The following TTBK2 variants were observed in gnomAD, a reference collection of about 807,000 sequenced individuals.
The protein encoded by TTBK2 is tau tubulin kinase 2.
In TTBK2, 28 loss-of-function variants were observed where a neutral mutation model predicts 110.8. The observed-to-expected ratio is 0.25, with a 90% CI of 0.19 to 0.35. The LOEUF (loss-of-function observed/expected upper bound fraction) is 0.35, where lower values mean the gene tolerates loss of function less well. Among genes scored for constraint, TTBK2 ranks in the 10% least tolerant of loss-of-function variants. TTBK2 has a pLI of 1.00. For synonymous variants in TTBK2, 532 were observed against 527.3 expected, an observed-to-expected ratio of 1.01 and a Z score of -0.12; for missense variants, 1,369 against 1,500.3, an observed-to-expected ratio of 0.91 and a Z score of 1.45.
At position 42,752,248 on chromosome 15, in the gene TTBK2, C is replaced by T; in HGVS notation, c.2998G>A (p.Asp1000Asn). 6.2e-7 allele frequency: 1 copy of T among 1,614,112 alleles called. No individual in the cohort carries two copies. Among genetic ancestry groups the T allele is most frequent in the Non-Finnish European group, 8.5e-7 (1 of 1,179,998 alleles). Residue 1000 changes from aspartate (D) to asparagine (N), a missense_variant, in exon 14 of 15, where the codon GAT becomes AAT. Asp to Asn is a conservative substitution (Grantham distance 23, BLOSUM62 1). Transcript: ENST00000267890. ...SFLGDLSSASDKLLEEKLATV... is the reference protein window; with the variant it reads ...SFLGDLSSASNKLLEEKLATV... ...GCTAGTTTCTCCTCTAGCAATTTAT[C>T]AGAGGCACTTGAGAGGTCGCCAAGG...
At chr15:42,805,970 C>T (rs2140910954) in intron 9 of TTBK2, among the ~76,000 whole-genome samples, 1 of 152,236 alleles carries the variant, frequency 6.6e-6, no homozygotes, top group Middle Eastern at 3.4e-3. Flanking sequence ...TGTGTTAAGA[C>T]ACTGATTTTT....
At chr15:42,844,166 A>T (rs1283919393) in intron 3 of TTBK2, among the ~76,000 whole-genome samples, 1 of 152,226 alleles carries the variant, frequency 6.6e-6, no homozygotes, top group Non-Finnish European at 1.5e-5. Flanking sequence ...CTAGGCTGTA[A>T]CAGTACCTGG....
At chr15:42,836,898 G>T (rs1893006398) in intron 4 of TTBK2, among the ~76,000 whole-genome samples, 1 of 152,146 alleles carries the variant, frequency 6.6e-6, no homozygotes, top group African/African-American at 2.4e-5. Flanking sequence ...TTGAGACTCA[G>T]CTTCTCCATG....
intron 1 of TTBK2, among the ~76,000 whole-genome samples, chr15:42,914,151 A>G (rs1256138936): frequency 1.3e-5 from 2 of 151,354 alleles, no homozygotes; most frequent in African/African-American, 2.4e-5. Flanking sequence ...TAATTTTTAT[A>G]TTTTTTAGTA....
intron 1 of TTBK2, among the ~76,000 whole-genome samples, chr15:42,898,846 T>C (rs1335801129): frequency 6.6e-6 from 1 of 152,234 alleles, no homozygotes; most frequent in African/African-American, 2.4e-5. Context: ...AAGTGAATAC[T>C]TCCCAAAGGA....
rs572661040 is a variant in TTBK2, at chr15:42,871,389, C to T, written c.217+1222G>A. ...CAAATAGAATCCTGAGTAAACCATACACAAAATAAGCAGGAGAACCTCCTG... is the reference window on the plus strand; with the variant it reads ...CAAATAGAATCCTGAGTAAACCATATACAAAATAAGCAGGAGAACCTCCTG... On this transcript the variant is annotated intron_variant, in intron 3 of 14. Transcript: ENST00000267890. 7.3e-6 allele frequency: 7 copies of T among 956,102 alleles called. No homozygotes were observed. The African/African-American group carries it at 1.2e-4, about 17-fold the overall frequency. The allele number at this position is 956,102 out of a possible 1,614,324, so 59.2% of individuals were successfully genotyped here.
At chr15:42,889,014 C>T (rs1247568852) in intron 1 of TTBK2, among the ~76,000 whole-genome samples, 1 of 152,164 alleles carries the variant, frequency 6.6e-6, no homozygotes, top group Non-Finnish European at 1.5e-5. Flanking sequence ...GCCTCACAGG[C>T]CCATTCTATT....
intron 6 of TTBK2, among the ~76,000 whole-genome samples, chr15:42,819,587 C>A (rs1456576543): frequency 6.6e-6 from 1 of 152,012 alleles, no homozygotes; most frequent in Non-Finnish European, 1.5e-5. Flanking sequence ...AAATTTCCTG[C>A]AATCTTTAAA....
chr15:42,848,314 C>T (rs555303012), intron 3 of TTBK2, among the ~76,000 whole-genome samples: 6 of 152,070 alleles, frequency 3.9e-5, no homozygotes, highest in African/African-American at 1.4e-4. Flanking sequence ...ACAAAAAGTA[C>T]TGCTGGGATT....
intron 13 of TTBK2, among the ~76,000 whole-genome samples, chr15:42,761,677 C>G (rs529568427): frequency 4.0e-5 from 6 of 150,974 alleles, no homozygotes; most frequent in African/African-American, 7.3e-5. Flanking sequence ...AAATGGCCAA[C>G]AAATACATGA....
rs866762407 is a variant in TTBK2, at chr15:42,763,178, A to G, written c.1999-9931T>C. 6.4e-4 allele frequency among the ~76,000 whole-genome samples: 11 copies of G among 17,170 alleles called. 1 individual carries two copies. The highest frequency in any genetic ancestry group is 2.6e-3 in the African/African-American group (9 of 3,524). The allele number at this position is 17,170 out of a possible 152,430, so 11.3% of individuals were successfully genotyped here. ...TATACATATATATATATATATATATATATATATATATATATTTTTTTTTTT... is the reference window on the plus strand; with the variant it reads ...TATACATATATATATATATATATATGTATATATATATATATTTTTTTTTTT... On this transcript the variant is annotated intron_variant, in intron 13 of 14. Coordinates refer to ENST00000267890, the MANE Select transcript of TTBK2 (RefSeq NM_173500.4).
Position 42,777,311 on chromosome 15 carries a change from C to A in TTBK2, c.1198-69G>T, listed in dbSNP as rs1388736699. 4 of 1,467,720 alleles carry A rather than the reference C, an allele frequency of 2.7e-6. No homozygotes were observed. The East Asian group carries it at 7.1e-5, about 26-fold the overall frequency. 90.9% of individuals were successfully genotyped at this position (1,467,720 alleles called of 1,614,324 possible). ...ACACACATGAGAGGAATCATTGAAG[C>A]CTTTCAAAATAATATAAATAAATGA... On this transcript the variant is annotated intron_variant, in intron 11 of 14. Coordinates refer to ENST00000267890, the MANE Select transcript of TTBK2 (RefSeq NM_173500.4).
chr15:42,832,147 A>G (rs959533483), intron 4 of TTBK2, among the ~76,000 whole-genome samples: 2 of 152,200 alleles, frequency 1.3e-5, no homozygotes, highest in African/African-American at 4.8e-5. Flanking sequence ...AACGTTAAAT[A>G]AGTGACAGTC....
chr15:42,774,845 A>G (rs1408762180), intron 13 of TTBK2, among the ~76,000 whole-genome samples: 1 of 152,248 alleles, frequency 6.6e-6, no homozygotes, highest in South Asian at 2.1e-4. Context: ...ATTGTAACAT[A>G]TATAAACACA....
At chr15:42,796,146 G>A (rs1286354459) in intron 9 of TTBK2, among the ~76,000 whole-genome samples, 1 of 152,188 alleles carries the variant, frequency 6.6e-6, no homozygotes, top group African/African-American at 2.4e-5. Context: ...GCTCACGCCT[G>A]TAATCCCAGC....
intron 9 of TTBK2, chr15:42,802,537 AACTGC>A: frequency 2.2e-6 from 1 of 449,564 alleles, no homozygotes; most frequent in Non-Finnish European, 4.1e-6. Flanking sequence ...AAAAAAATTT[AACTGC>A]ACCCATCCTC....
intron 10 of TTBK2, among the ~76,000 whole-genome samples, chr15:42,784,681 G>A (rs1251839370): frequency 6.6e-6 from 1 of 152,218 alleles, no homozygotes; most frequent in African/African-American, 2.4e-5. Context: ...CATTTGGGAA[G>A]CAAGAATGAC....
At chr15:42,902,999 AAAAGAAAG>A (rs1162631880) in intron 1 of TTBK2, among the ~76,000 whole-genome samples, 2 of 151,830 alleles carry the variant, frequency 1.3e-5, no homozygotes, top group Non-Finnish European at 2.9e-5. Flanking sequence ...AAAAAAAAAA[AAAAGAAAG>A]AAAGAAAGAA....
chr15:42,852,792 T>G (rs1263805054), intron 3 of TTBK2, among the ~76,000 whole-genome samples: 1 of 152,198 alleles, frequency 6.6e-6, no homozygotes, highest in Non-Finnish European at 1.5e-5. Flanking sequence ...ATACACCCTT[T>G]GGTGGAACAA....
Sources: gnomAD v4.1 joint callset for allele counts (sites outside exome capture counted in the v4.1 genomes callset) on GRCh38, gnomAD v4.1.1 for gene constraint, MANE v1.5 for transcripts, NCBI Gene and HGNC (gene_info 2026-07-23, HGNC 2026-07-21) for gene names.